The following ELK3 variants were observed in gnomAD, a reference collection of about 807,000 sequenced individuals.
ELK3 encodes ETS transcription factor ELK3.
ELK3 carries 10 observed loss-of-function variants against 28.9 expected under a neutral mutation model. The ratio of observed to expected loss-of-function variants is 0.35; its 90% CI spans 0.21 to 0.59. The LOEUF (loss-of-function observed/expected upper bound fraction) is 0.59. ELK3 is among the 20% of genes least tolerant of loss of function. The pLI is 0.82. For synonymous variants in ELK3, 272 were observed against 243.5 expected (o/e 1.12, Z -1.09); for missense variants, 463 against 517.3 (o/e 0.90, Z 1.02).
At chr12:96,253,905 A>G (rs1951926755) in intron 3 of ELK3, among the ~76,000 whole-genome samples, 1 of 152,238 alleles carries the variant, frequency 6.6e-6, no homozygotes. Flanking sequence ...TCCTGTTCTC[A>G]TGAGTTTACA....
chr12:96,217,282 G>T (rs928196064), intron 1 of ELK3, among the ~76,000 whole-genome samples: 1 of 152,182 alleles, frequency 6.6e-6, no homozygotes, highest in African/African-American at 2.4e-5. Context: ...GTGAAAAACT[G>T]CATTCTTGAC....
chr12:96,197,400 G>A (rs1951478588), intron 1 of ELK3, among the ~76,000 whole-genome samples: 1 of 152,100 alleles, frequency 6.6e-6, no homozygotes, highest in Non-Finnish European at 1.5e-5. Context: ...AGTGGATTGA[G>A]AAAAATCTTA....
chr12:96,203,230 C>G (rs944761555), intron 1 of ELK3, among the ~76,000 whole-genome samples: 1 of 152,186 alleles, frequency 6.6e-6, no homozygotes, highest in Non-Finnish European at 1.5e-5. Flanking sequence ...GCTGGTGCCC[C>G]TCATTATTCA....
At chr12:96,225,853 G>A (rs11108444) in intron 2 of ELK3, among the ~76,000 whole-genome samples, 58,230 of 152,124 alleles carry the variant, frequency 0.38, 11,677 homozygotes, top group Middle Eastern at 0.52. Context: ...AAGAGCCTCA[G>A]GCTGGGCATA....
At chr12:96,228,415 T>TAAAAAAAAAAAAAAAAAAAAA (rs1951719098) in intron 2 of ELK3, among the ~76,000 whole-genome samples, 1 of 32,924 alleles carries the variant, frequency 3.0e-5, no homozygotes, top group Non-Finnish European at 4.9e-5. Context: ...AGACTCTGTG[T>TAAAAAAAAAAAAAAAAAAAAA]CAAAAAAAAA....
At chr12:96,206,282 T>C (rs77505135) in intron 1 of ELK3, among the ~76,000 whole-genome samples, 1 of 152,298 alleles carries the variant, frequency 6.6e-6, no homozygotes, top group African/African-American at 2.4e-5. Context: ...GGGGCAATTT[T>C]CTTTTTCTTT....
At position 96,247,133 on chromosome 12, in the gene ELK3, G is replaced by A. The variant is rs1241142866; in HGVS notation, c.401G>A (p.Arg134His). ...CTGGCCGCCCTCAGAAGCACGAGCC[G>A]CAACGAATACATCCACTCAGGCCTG... is the stretch of plus-strand genomic sequence containing the variant. ...HGLAALRSTS[R>H]NEYIHSGLYS... Residue 134 changes from arginine to histidine, a missense_variant, in exon 3 of 5, where the codon CGC (arginine) becomes CAC (histidine). Physicochemically the swap from Arg to His is conservative, Grantham distance 29 (BLOSUM62 0). Transcript: ENST00000228741. The surrounding 1 kb of genome is among the most constrained non-coding windows in gnomAD (Gnocchi z 5.5). 9.3e-6 allele frequency: 15 copies of A among 1,613,652 alleles called. No homozygotes were observed. Among genetic ancestry groups the A allele is most frequent in the African/African-American group, 1.3e-5 (1 of 74,904 alleles).
intron 1 of ELK3, among the ~76,000 whole-genome samples, chr12:96,195,235 G>A (rs540419973): frequency 8.0e-4 from 122 of 152,172 alleles, no homozygotes; most frequent in African/African-American, 2.8e-3. Flanking sequence ...GAGGAAGACA[G>A]GGATGGAGAG....
At chr12:96,209,333 C>G (rs79665775) in intron 1 of ELK3, among the ~76,000 whole-genome samples, 1 of 151,926 alleles carries the variant, frequency 6.6e-6, no homozygotes, top group Non-Finnish European at 1.5e-5. Flanking sequence ...CCCAGAAAGA[C>G]GCCTCTAAAG....
intron 1 of ELK3, among the ~76,000 whole-genome samples, chr12:96,199,772 A>C (rs1195933329): frequency 6.6e-6 from 1 of 152,202 alleles, no homozygotes; most frequent in Non-Finnish European, 1.5e-5. Context: ...CTATGTATTA[A>C]TTTACATTTC....
chr12:96,237,661 G>C (rs768277603), intron 2 of ELK3, among the ~76,000 whole-genome samples: 11 of 152,196 alleles, frequency 7.2e-5, no homozygotes, highest in Non-Finnish European at 1.6e-4. Context: ...TGAACCTATA[G>C]TCCCAGCTAC....
intron 4 of ELK3, among the ~76,000 whole-genome samples, chr12:96,263,674 A>G (rs897793883): frequency 2.0e-5 from 3 of 152,212 alleles, no homozygotes; most frequent in Admixed American, 6.5e-5. Context: ...GCTCCAAGGA[A>G]GCAGTGGCGC....
chr12:96,228,410 C>CT (rs1951719020), intron 2 of ELK3, among the ~76,000 whole-genome samples: 1 of 84,464 alleles, frequency 1.2e-5, no homozygotes, highest in Non-Finnish European at 2.0e-5. Flanking sequence ...GAGTGAGACT[C>CT]TGTGTCAAAA....
At chr12:96,259,195 G>T (rs2137041967) in intron 3 of ELK3, among the ~76,000 whole-genome samples, 1 of 152,314 alleles carries the variant, frequency 6.6e-6, no homozygotes, top group East Asian at 1.9e-4. Context: ...AGAATGTTTA[G>T]GGAAGGTAAT....
chr12:96,195,772 C>T (rs1565774567), intron 1 of ELK3, among the ~76,000 whole-genome samples: 1 of 152,166 alleles, frequency 6.6e-6, no homozygotes, highest in Non-Finnish European at 1.5e-5. Context: ...GAAAATGACT[C>T]ACTAGAGGAG....
At chr12:96,256,760 G>A (rs561689226) in intron 3 of ELK3, among the ~76,000 whole-genome samples, 8 of 152,350 alleles carry the variant, frequency 5.3e-5, no homozygotes, top group African/African-American at 1.4e-4. Flanking sequence ...TCTGGTTGAG[G>A]GGAGATCAGG....
rs1951678677 is a variant in ELK3, at chr12:96,223,636, A to G, written c.70A>G (p.Ile24Val). 2 of 1,614,008 alleles carry G rather than the reference A, an allele frequency of 1.2e-6. No homozygotes were observed. Among genetic ancestry groups the G allele is most frequent in the African/African-American group, 2.7e-5 (2 of 74,894 alleles). ...GCTGGATCAGAAACATGAGCATTTG[A>G]TCTGCTGGACCTCGAACGATGGTGA... is the stretch of plus-strand genomic sequence containing the variant. ...LLLDQKHEHL[I>V]CWTSNDGEFK... Residue 24 changes from isoleucine (I) to valine (V), a missense_variant, in exon 2 of 5, where the codon ATC (isoleucine) becomes GTC (valine). By Grantham distance (29) the Ile-to-Val change is conservative (BLOSUM62 3). This residue lies in a region of ELK3 where 55 missense variants were observed against 102.5 expected (regional missense o/e 0.54). Coordinates refer to ENST00000228741, the MANE Select transcript of ELK3 (RefSeq NM_005230.4).
intron 2 of ELK3, among the ~76,000 whole-genome samples, chr12:96,226,814 G>A (rs955345727): frequency 6.6e-6 from 1 of 152,010 alleles, no homozygotes; most frequent in Non-Finnish European, 1.5e-5. Context: ...AAGAAGGAGA[G>A]GGGGAGGAAG....
chr12:96,223,987 C>G, intron 2 of ELK3: 1 of 564,856 alleles, frequency 1.8e-6, no homozygotes, highest in Admixed American at 3.1e-5. Flanking sequence ...CATTTTGTTT[C>G]TTCTGCATTT....
Sources: allele counts gnomAD v4.1 joint callset (sites outside exome capture counted in the v4.1 genomes callset), GRCh38; gene constraint gnomAD v4.1.1; regional missense constraint gnomAD v4.1.1; non-coding constraint Gnocchi (gnomAD v3.1); transcripts MANE v1.5; gene names NCBI Gene and HGNC (gene_info 2026-07-23, HGNC 2026-07-21).